GRIK4: variants seen among roughly 807,000 people sequenced by gnomAD.
The protein encoded by GRIK4 is glutamate receptor ionotropic, kainate 4.
In GRIK4, 40 loss-of-function variants were observed where a neutral mutation model predicts 104.9. The observed-to-expected ratio is 0.38, with a 90% CI of 0.30 to 0.50. The LOEUF (loss-of-function observed/expected upper bound fraction) is 0.50, where lower values mean the gene tolerates loss of function less well. Among genes scored for constraint, GRIK4 ranks in the 20% least tolerant of loss-of-function variants. The pLI, the probability that GRIK4 is intolerant of heterozygous loss-of-function variation, is 0.93. For synonymous variants in GRIK4, 485 were observed against 524.9 expected (o/e 0.92, Z 1.04); for missense variants, 1,047 against 1,308.1 (o/e 0.80, Z 3.08).
At chr11:120,694,491 AAG>A (rs1218577713) in intron 3 of GRIK4, among the ~76,000 whole-genome samples, 2 of 152,216 alleles carry the variant, frequency 1.3e-5, no homozygotes, top group African/African-American at 4.8e-5. Context: ...GGAGAATGAC[AAG>A]AGATTGGAGG....
chr11:120,780,236 T>G (rs1952125939), intron 3 of GRIK4, among the ~76,000 whole-genome samples: 1 of 152,258 alleles, frequency 6.6e-6, no homozygotes, highest in African/African-American at 2.4e-5. Flanking sequence ...ACATTCACAT[T>G]GCTGTACAAC....
intron 1 of GRIK4, among the ~76,000 whole-genome samples, chr11:120,639,526 C>G (rs1237132443): frequency 2.0e-5 from 3 of 152,190 alleles, no homozygotes; most frequent in Non-Finnish European, 2.9e-5. Context: ...CTCTTGGGGT[C>G]GGCCCCTGTC....
chr11:120,758,406 G>GT (rs1353925057), intron 3 of GRIK4, among the ~76,000 whole-genome samples: 1 of 151,980 alleles, frequency 6.6e-6, no homozygotes, highest in African/African-American at 2.4e-5. Context: ...CTAGAGTCTC[G>GT]TAAGATGCTA....
At chr11:120,670,745 G>A (rs1350319645) in intron 3 of GRIK4, among the ~76,000 whole-genome samples, 1 of 151,832 alleles carries the variant, frequency 6.6e-6, no homozygotes, top group Non-Finnish European at 1.5e-5. Context: ...TGGGATACAT[G>A]TGCAGAATGT....
chr11:120,835,590 A>G (rs576862724), intron 7 of GRIK4, among the ~76,000 whole-genome samples: 1 of 152,282 alleles, frequency 6.6e-6, no homozygotes, highest in South Asian at 2.1e-4. Flanking sequence ...TTGGGAGATG[A>G]ACACTATGTA....
At chr11:120,531,820 C>T (rs1947927054) in intron 1 of GRIK4, among the ~76,000 whole-genome samples, 1 of 152,172 alleles carries the variant, frequency 6.6e-6, no homozygotes. Context: ...AGATGATCCA[C>T]CCGCCTTGGT....
chr11:120,647,579 C>T (rs904111575), intron 1 of GRIK4, among the ~76,000 whole-genome samples: 14 of 152,254 alleles, frequency 9.2e-5, no homozygotes, highest in African/African-American at 2.9e-4. Context: ...ATCCTTCGAA[C>T]AGCCCTTGCT....
At chr11:120,823,008 G>A (rs1292295794) in intron 6 of GRIK4, among the ~76,000 whole-genome samples, 1 of 152,198 alleles carries the variant, frequency 6.6e-6, no homozygotes, top group Non-Finnish European at 1.5e-5. Flanking sequence ...ACCATCGAAT[G>A]GTGTAACAGG....
At chr11:120,777,756 G>A (rs531126041) in intron 3 of GRIK4, among the ~76,000 whole-genome samples, 1 of 152,276 alleles carries the variant, frequency 6.6e-6, no homozygotes, top group African/African-American at 2.4e-5. Flanking sequence ...GGCCAACATG[G>A]TGAAACCCTG....
chr11:120,834,352 A>G (rs1953517526), intron 7 of GRIK4, among the ~76,000 whole-genome samples: 1 of 150,960 alleles, frequency 6.6e-6, no homozygotes, highest in Non-Finnish European at 1.5e-5. Flanking sequence ...ATTATTAGCA[A>G]ATGGTTCTGC....
intron 3 of GRIK4, among the ~76,000 whole-genome samples, chr11:120,704,108 A>G (rs925633737): frequency 5.9e-5 from 9 of 152,202 alleles, no homozygotes; most frequent in South Asian, 2.1e-4. Flanking sequence ...AAAGCAGTGT[A>G]TTTCTTGTGT....
At chr11:120,861,404 G>A (rs887430526) in intron 8 of GRIK4, among the ~76,000 whole-genome samples, 8 of 151,944 alleles carry the variant, frequency 5.3e-5, no homozygotes, top group South Asian at 2.1e-4. Context: ...CACTGCACCC[G>A]GCCCTATCAT....
intron 13 of GRIK4, among the ~76,000 whole-genome samples, chr11:120,924,254 G>T (rs1255137722): frequency 1.3e-5 from 2 of 152,104 alleles, no homozygotes; most frequent in Middle Eastern, 3.2e-3. Context: ...CAGGAGGTTG[G>T]CCAGGCCTGA....
At chr11:120,866,068 A>T (rs1173639834) in intron 9 of GRIK4, among the ~76,000 whole-genome samples, 1 of 152,190 alleles carries the variant, frequency 6.6e-6, no homozygotes, top group Non-Finnish European at 1.5e-5. Flanking sequence ...GCACAAAGCC[A>T]TTTGTGAAGC....
chr11:120,974,142 A>G (rs990433580), intron 19 of GRIK4, among the ~76,000 whole-genome samples: 1 of 152,166 alleles, frequency 6.6e-6, no homozygotes, highest in South Asian at 2.1e-4. Context: ...TCCTGACCTC[A>G]AGTGATCTGC....
At chr11:120,574,091 G>C (rs1327597093) in intron 1 of GRIK4, among the ~76,000 whole-genome samples, 3 of 152,204 alleles carry the variant, frequency 2.0e-5, no homozygotes, top group Admixed American at 2.0e-4. Context: ...AGTATTTGTT[G>C]TGTGTCTCTC....
intron 1 of GRIK4, among the ~76,000 whole-genome samples, chr11:120,636,007 G>A (rs1949392431): frequency 6.6e-6 from 1 of 152,188 alleles, no homozygotes; most frequent in Non-Finnish European, 1.5e-5. Flanking sequence ...CAAACTCTGT[G>A]AGCGTGGACT....
chr11:120,787,267 T>C (rs531461486), intron 3 of GRIK4, among the ~76,000 whole-genome samples: 369 of 151,988 alleles, frequency 2.4e-3, no homozygotes, highest in African/African-American at 8.6e-3. Context: ...AAGCCAAGGC[T>C]GCGGTGAGCC....
rs995490894 is a variant in GRIK4, at chr11:120,650,977, T to C, written c.-158-2708T>C. ...AAGCCCCAAGAGGTTATGTGATGGG[T>C]CCAAGGTCACGCAGCCCTCTACTTC... On this transcript the variant is annotated intron_variant, in intron 1 of 20. Coordinates refer to ENST00000527524, the MANE Select transcript of GRIK4 (RefSeq NM_014619.5). Among the ~76,000 whole-genome samples, 3 of 152,258 alleles carry C rather than the reference T, an allele frequency of 2.0e-5. No individual in the cohort carries two copies. The South Asian group carries it at 6.2e-4, about 32-fold the overall frequency.
Sources: allele counts gnomAD v4.1 joint callset (sites outside exome capture counted in the v4.1 genomes callset), GRCh38; gene constraint gnomAD v4.1.1; transcripts MANE v1.5; gene names NCBI Gene and HGNC (gene_info 2026-07-23, HGNC 2026-07-21).